Variants in TLE4 observed in about 807,000 individuals in gnomAD.
TLE4 encodes transducin-like enhancer protein 4.
TLE4 carries 8 observed loss-of-function variants against 92.8 expected under a neutral mutation model. The ratio of observed to expected loss-of-function variants is 0.09; its 90% confidence interval spans 0.05 to 0.16. The LOEUF is 0.16. TLE4 is among the 10% of genes least tolerant of loss of function. The pLI is 1.00. For missense variants in TLE4, 675 were observed against 997.6 expected (o/e 0.68, Z 4.36); for synonymous variants, 371 against 374.1 (o/e 0.99, Z 0.10).
intron 8 of TLE4, among the ~76,000 whole-genome samples, chr9:79,677,464 T>C (rs2063480487): frequency 1.3e-5 from 2 of 152,232 alleles, no homozygotes; most frequent in South Asian, 4.1e-4. Context: ...GATTTCCTTC[T>C]CTTTTTCTTC....
chr9:79,636,075 GTCTT>G (rs2055720085), intron 6 of TLE4, among the ~76,000 whole-genome samples: 1 of 152,046 alleles, frequency 6.6e-6, no homozygotes, highest in Non-Finnish European at 1.5e-5. Context: ...TTCCGCATTT[GTCTT>G]TCTTTCATTC....
intron 4 of TLE4, among the ~76,000 whole-genome samples, chr9:79,597,949 C>T (rs377576799): frequency 2.6e-5 from 4 of 151,916 alleles, no homozygotes; most frequent in Non-Finnish European, 5.9e-5. Flanking sequence ...AAAGGACTCA[C>T]TGGCCTGGCG....
At chr9:79,617,819 A>G (rs1198357855) in intron 5 of TLE4, among the ~76,000 whole-genome samples, 1 of 146,820 alleles carries the variant, frequency 6.8e-6, no homozygotes, top group Non-Finnish European at 1.5e-5. Flanking sequence ...TCAAAGGAAC[A>G]GTGGTTTTTT....
chr9:79,682,008 A>T (rs1450363732), intron 8 of TLE4, among the ~76,000 whole-genome samples: 1 of 152,006 alleles, frequency 6.6e-6, no homozygotes, highest in Non-Finnish European at 1.5e-5. Context: ...GTCTCATGTA[A>T]CCTGTTATTG....
intron 13 of TLE4, 137 bp downstream of exon 13, chr9:79,708,923 C>T (rs1256354199): frequency 9.2e-7 from 1 of 1,081,710 alleles, no homozygotes; most frequent in African/African-American, 1.6e-5. Context: ...CCTCTGCCTC[C>T]TGGGCTTAAG....
intron 14 of TLE4, among the ~76,000 whole-genome samples, chr9:79,713,770 C>T (rs1044161356): frequency 6.6e-6 from 1 of 152,096 alleles, no homozygotes; most frequent in African/African-American, 2.4e-5. Context: ...TCCATTGTAC[C>T]TTCTAACTTG....
chr9:79,707,083 G>A, intron 11 of TLE4, 184 bp downstream of exon 11: 1 of 1,600,932 alleles, frequency 6.2e-7, no homozygotes, highest in Non-Finnish European at 8.6e-7. Context: ...TAACTTGTTG[G>A]TGATGAGTGT....
At chr9:79,609,064 A>G (rs1382140730) in intron 4 of TLE4, among the ~76,000 whole-genome samples, 1 of 152,080 alleles carries the variant, frequency 6.6e-6, no homozygotes, top group Non-Finnish European at 1.5e-5. Flanking sequence ...GTGCGTTAGT[A>G]TTTGTTACTT....
rs72732294 is a variant in TLE4, at chr9:79,603,853, A to C, written c.253-8803A>C. On this transcript the variant is annotated intron_variant, in intron 4 of 19. Transcript: ENST00000376552. ...GGGCTATAAGACAAAGCTATCTGCC[A>C]TGGAGCCTACATTCTCTAGAACCTT... 6.9e-3 allele frequency among the ~76,000 whole-genome samples: 1,055 copies of C among 152,258 alleles called. 5 individuals are homozygous for C. Among genetic ancestry groups the C allele is most frequent in the Non-Finnish European group, 0.01 (685 of 68,012 alleles).
chr9:79,672,286 A>T (rs1433370167), intron 8 of TLE4, among the ~76,000 whole-genome samples: 1 of 152,072 alleles, frequency 6.6e-6, no homozygotes, highest in African/African-American at 2.4e-5. Flanking sequence ...CCCTCATGGG[A>T]AGAGTGTGGT....
chr9:79,723,935 AT>A (rs1387996372), intron 19 of TLE4, among the ~76,000 whole-genome samples: 1 of 152,186 alleles, frequency 6.6e-6, no homozygotes, highest in Non-Finnish European at 1.5e-5. Context: ...CATAAGTACT[AT>A]GTCTTTAAGT....
At chr9:79,632,464 T>G (rs755815005) in intron 6 of TLE4, among the ~76,000 whole-genome samples, 4 of 152,258 alleles carry the variant, frequency 2.6e-5, no homozygotes, top group South Asian at 2.1e-4. Context: ...GCCCTCTCCC[T>G]CCACTTTCCC....
intron 8 of TLE4, among the ~76,000 whole-genome samples, chr9:79,676,120 C>T (rs1048498623): frequency 1.3e-5 from 2 of 152,070 alleles, no homozygotes; most frequent in African/African-American, 4.8e-5. Context: ...TGACTTTACA[C>T]TCGTTTTATA....
At chr9:79,695,540 C>G (rs1231235502) in intron 8 of TLE4, among the ~76,000 whole-genome samples, 1 of 152,170 alleles carries the variant, frequency 6.6e-6, no homozygotes, top group East Asian at 1.9e-4. Flanking sequence ...TGTGCCCATT[C>G]ATTTGTTCAG....
At chr9:79,577,892 A>G (rs1369227450) in intron 4 of TLE4, among the ~76,000 whole-genome samples, 1 of 152,192 alleles carries the variant, frequency 6.6e-6, no homozygotes, top group Non-Finnish European at 1.5e-5. Context: ...CCTTAATTTT[A>G]CACATTTTAT....
At chr9:79,639,925 T>C (rs536237520) in intron 6 of TLE4, among the ~76,000 whole-genome samples, 5 of 152,316 alleles carry the variant, frequency 3.3e-5, no homozygotes, top group Admixed American at 6.5e-5. Context: ...TCATGACTTA[T>C]GTATATCAAA....
At chr9:79,611,276 C>T (rs542845170) in intron 4 of TLE4, among the ~76,000 whole-genome samples, 1 of 152,018 alleles carries the variant, frequency 6.6e-6, no homozygotes, top group African/African-American at 2.4e-5. Context: ...TAAATTAAAT[C>T]AGGTCAGCAC....
intron 4 of TLE4, among the ~76,000 whole-genome samples, chr9:79,594,986 T>C (rs1587844515): frequency 6.6e-6 from 1 of 152,196 alleles, no homozygotes; most frequent in East Asian, 1.9e-4. Context: ...TAGTTTGTGG[T>C]TCTTTATTTT....
intron 8 of TLE4, among the ~76,000 whole-genome samples, chr9:79,695,106 G>A (rs1389725062): frequency 1.3e-5 from 2 of 152,080 alleles, no homozygotes; most frequent in Admixed American, 6.5e-5. Flanking sequence ...TTTTAAAAAG[G>A]TGGCCTTCAT....
Sources: allele counts gnomAD v4.1 joint callset (sites outside exome capture counted in the v4.1 genomes callset), GRCh38; gene constraint gnomAD v4.1.1; transcripts MANE v1.5; gene names NCBI Gene and HGNC (gene_info 2026-07-23, HGNC 2026-07-21).